Variants in PTPRQ observed in about 807,000 individuals in gnomAD.
PTPRQ encodes the protein phosphatidylinositol phosphatase PTPRQ.
Under a neutral mutation model 246.0 loss-of-function variants are expected in PTPRQ, and 199 were observed. That is an observed-to-expected ratio of 0.81 (90% CI 0.72 to 0.91). PTPRQ has a LOEUF of 0.91. Among genes scored for constraint, PTPRQ ranks in the 40% least tolerant of loss-of-function variants. PTPRQ has a pLI of 0.00. For synonymous variants in PTPRQ, 869 were observed against 853.2 expected, an observed-to-expected ratio of 1.02 and a Z score of -0.32; for missense variants, 2,624 against 2,528.4, an observed-to-expected ratio of 1.04 and a Z score of -0.81.
chr12:80,509,650 T>C (rs1895067356), intron 16 of PTPRQ, among the ~76,000 whole-genome samples: 1 of 152,148 alleles, frequency 6.6e-6, no homozygotes, highest in Admixed American at 6.6e-5. Context: ...GTAATGTTTT[T>C]ATTGCTTATT....
At position 80,578,711 on chromosome 12, in the gene PTPRQ, A is replaced by G. The variant is rs936637825; in HGVS notation, c.4286-9418A>G. The stretch of plus-strand genomic sequence containing the variant: ...CCCGGCCAAGAATGGGAAAAATTAA[A>G]CATACTTAGTATTTACTGTGTATGG... On this transcript the variant is annotated intron_variant, in intron 25 of 44. Transcript: ENST00000644991. Among the ~76,000 whole-genome samples the G allele has an allele frequency of 2.0e-5, 3 of 152,146 alleles. No individual in the cohort carries two copies. In the South Asian group the frequency reaches 6.2e-4, roughly 32 times the overall value.
chr12:80,645,694 C>A (rs890693900), intron 35 of PTPRQ, among the ~76,000 whole-genome samples: 4 of 151,734 alleles, frequency 2.6e-5, no homozygotes, highest in African/African-American at 9.7e-5. Context: ...AAATTATTTT[C>A]TTTTTAGTAG....
At chr12:80,591,391 A>T (rs1797904830) in intron 26 of PTPRQ, among the ~76,000 whole-genome samples, 1 of 152,152 alleles carries the variant, frequency 6.6e-6, no homozygotes, top group Admixed American at 6.5e-5. Context: ...GGCCTCCCAC[A>T]GTGCTGAGAT....
intron 25 of PTPRQ, among the ~76,000 whole-genome samples, chr12:80,587,212 A>T (rs968745261): frequency 5.9e-5 from 9 of 152,290 alleles, no homozygotes; most frequent in Middle Eastern, 3.4e-3. Context: ...TTAGAGATCA[A>T]TGAGCTTTCT....
intron 18 of PTPRQ, among the ~76,000 whole-genome samples, chr12:80,534,587 A>G (rs1895934442): frequency 6.6e-6 from 1 of 152,038 alleles, no homozygotes; most frequent in African/African-American, 2.4e-5. Context: ...CAAATTATGT[A>G]TTTTGTATTG....
At chr12:80,663,321 A>G (rs1350513959) in intron 39 of PTPRQ, among the ~76,000 whole-genome samples, 1 of 151,774 alleles carries the variant, frequency 6.6e-6, no homozygotes, top group African/African-American at 2.4e-5. Flanking sequence ...TATGTGATAT[A>G]TTGTCTATAT....
At chr12:80,497,451 A>G (rs1894665157) in intron 14 of PTPRQ, among the ~76,000 whole-genome samples, 1 of 152,048 alleles carries the variant, frequency 6.6e-6, no homozygotes, top group Admixed American at 6.6e-5. Flanking sequence ...AGTGGCTGTA[A>G]ATACAGAAGC....
At chr12:80,656,692 A>C (rs1213373743) in intron 38 of PTPRQ, among the ~76,000 whole-genome samples, 3 of 152,086 alleles carry the variant, frequency 2.0e-5, no homozygotes, top group Admixed American at 6.6e-5. Flanking sequence ...TAGAAATTTG[A>C]AAGAAAGAAT....
Position 80,620,136 on chromosome 12 carries a change from C to CT in PTPRQ, c.5390-15dup, listed in dbSNP as rs1205995027. ...ATATGTTACTTGGAATTATTGTTCT[C>CT]TTTGTTTCTGAAAACAGCTCAGCAT... On this transcript the variant is annotated splice_polypyrimidine_tract_variant and intron_variant, in intron 31 of 44. Transcript: ENST00000644991. The CT allele has an allele frequency of 1.3e-4, 203 of 1,524,958 alleles. No homozygotes were observed. The highest frequency in any genetic ancestry group is 1.5e-5 in the Non-Finnish European group (17 of 1,136,744). The allele number at this position is 1,524,958 out of a possible 1,614,324, so 94.5% of individuals were successfully genotyped here.
At chr12:80,647,239 A>G (rs186088608) in intron 35 of PTPRQ, among the ~76,000 whole-genome samples, 4 of 152,318 alleles carry the variant, frequency 2.6e-5, no homozygotes, top group Admixed American at 2.6e-4. Flanking sequence ...AATTTTGCCA[A>G]TCACAATGGA....
rs116619824 is a variant in PTPRQ at position 80,678,487 on chromosome 12, T to C, written c.6739-115T>C. 3.1e-3 allele frequency: 3,824 copies of C among 1,249,530 alleles called. 95 individuals are homozygous for C. In the African/African-American group the frequency reaches 0.051, roughly 17 times the overall value. 77.4% of individuals were successfully genotyped at this position (1,249,530 alleles called of 1,614,324 possible). ...TATACTATGATAAATTCTGTGTCTG[T>C]AACTTAGCTATTTATTTGATGAATT... On this transcript the variant is annotated intron_variant, in intron 43 of 44. Coordinates refer to ENST00000644991, the MANE Select transcript of PTPRQ (RefSeq NM_001145026.2).
chr12:80,652,255 T>C (rs1592760819), intron 37 of PTPRQ, among the ~76,000 whole-genome samples: 1 of 152,252 alleles, frequency 6.6e-6, no homozygotes, highest in Middle Eastern at 3.4e-3. Context: ...CATTCCATTA[T>C]TGATTTAGCA....
chr12:80,502,470 G>A (rs185748584), intron 14 of PTPRQ, among the ~76,000 whole-genome samples: 1 of 152,034 alleles, frequency 6.6e-6, no homozygotes, highest in Non-Finnish European at 1.5e-5. Flanking sequence ...AGCATAGAAT[G>A]GTGTTTTATT....
intron 8 of PTPRQ, among the ~76,000 whole-genome samples, chr12:80,473,061 A>ACGCACACACACACGCACG: frequency 6.6e-6 from 1 of 151,642 alleles, no homozygotes; most frequent in African/African-American, 2.4e-5. Flanking sequence ...ACACACACAC[A>ACGCACACACACACGCACG]CACACACACA....
intron 39 of PTPRQ, among the ~76,000 whole-genome samples, chr12:80,661,525 A>G (rs1390674138): frequency 1.3e-5 from 2 of 151,546 alleles, no homozygotes; most frequent in Admixed American, 6.6e-5. Context: ...ATATATGTGT[A>G]TATGTACACA....
intron 17 of PTPRQ, among the ~76,000 whole-genome samples, chr12:80,521,580 T>G (rs976863851): frequency 3.9e-5 from 6 of 152,296 alleles, no homozygotes; most frequent in Non-Finnish European, 8.8e-5. Context: ...TTTCTACATA[T>G]GGCTAGCCAG....
At chr12:80,595,740 A>G (rs1897950068) in intron 26 of PTPRQ, among the ~76,000 whole-genome samples, 1 of 92,208 alleles carries the variant, frequency 1.1e-5, no homozygotes, top group Non-Finnish European at 2.0e-5. Context: ...AACAGTCCCC[A>G]GAGTGTGATG....
chr12:80,671,435 G>A (rs1469320913), intron 42 of PTPRQ, among the ~76,000 whole-genome samples: 1 of 152,014 alleles, frequency 6.6e-6, no homozygotes, highest in Admixed American at 6.6e-5. Context: ...CAATTTCTCT[G>A]TATCATGCAA....
chr12:80,521,456 G>A (rs1232165138), intron 17 of PTPRQ, among the ~76,000 whole-genome samples: 1 of 152,112 alleles, frequency 6.6e-6, no homozygotes, highest in Non-Finnish European at 1.5e-5. Flanking sequence ...GTCCTGAATG[G>A]TATTGCTTAG....
Sources: gnomAD v4.1 joint callset for allele counts (sites outside exome capture counted in the v4.1 genomes callset) on GRCh38, gnomAD v4.1.1 for gene constraint, MANE v1.5 for transcripts, NCBI Gene and HGNC (gene_info 2026-07-23, HGNC 2026-07-21) for gene names.